PLD5: variants seen among roughly 807,000 people sequenced by gnomAD.
The protein encoded by PLD5 is phospholipase D family member 5, also known as inactive phospholipase D5.
PLD5 carries 36 observed loss-of-function variants against 61.1 expected under a neutral mutation model. That is an observed-to-expected ratio of 0.59 (90% CI 0.45 to 0.78). PLD5 has a LOEUF of 0.78. Among genes scored for constraint, PLD5 ranks in the 30% least tolerant of loss-of-function variants. The pLI is 0.00. For synonymous variants in PLD5, 243 were observed against 242.8 expected (o/e 1.00, Z -0.01); for missense variants, 515 against 644.4 (o/e 0.80, Z 2.17).
intron 2 of PLD5, among the ~76,000 whole-genome samples, chr1:242,319,134 AC>A (rs1658220475): frequency 6.6e-6 from 1 of 152,150 alleles, no homozygotes; most frequent in Non-Finnish European, 1.5e-5. Flanking sequence ...AATATCATGG[AC>A]CAGCAAAATT....
rs1048907985 is a variant in PLD5, at chr1:242,084,298, T to C, written c.*5556A>G. On this transcript the variant is annotated 3_prime_UTR_variant, in exon 10 of 10. Coordinates refer to ENST00000536534, the MANE Select transcript of PLD5 (RefSeq NM_001372062.1). Reference sequence around the variant, plus strand: ...CCTTTGCTAACCTCTCCAATGATAGTTTTTTTTTTAAAAGTATGCCTCTCA... The same window carrying C: ...CCTTTGCTAACCTCTCCAATGATAGCTTTTTTTTTAAAAGTATGCCTCTCA... The C allele has an allele frequency of 4.1e-5, 4 of 97,892 alleles. No individual in the cohort carries two copies. Among genetic ancestry groups the C allele is most frequent in the African/African-American group, 1.3e-4 (4 of 30,970 alleles). 6.1% of individuals were successfully genotyped at this position (97,892 alleles called of 1,614,324 possible).
chr1:242,143,955 C>T (rs1187242202), intron 5 of PLD5, among the ~76,000 whole-genome samples: 3 of 150,116 alleles, frequency 2.0e-5, no homozygotes, highest in African/African-American at 7.3e-5. Context: ...ATTCTCATGC[C>T]TCAGCCTCTC....
chr1:242,404,875 A>ATTTTT (rs11361107), intron 1 of PLD5, among the ~76,000 whole-genome samples: 11 of 75,392 alleles, frequency 1.5e-4, no homozygotes, highest in South Asian at 5.1e-4. Flanking sequence ...TTCCCTGCTA[A>ATTTTT]TTTTTTTTTT....
intron 1 of PLD5, among the ~76,000 whole-genome samples, chr1:242,398,555 TG>T (rs1663735814): frequency 6.6e-6 from 1 of 152,224 alleles, no homozygotes; most frequent in African/African-American, 2.4e-5. Flanking sequence ...CTATTGTTTG[TG>T]CAAACTCTTG....
intron 1 of PLD5, among the ~76,000 whole-genome samples, chr1:242,496,992 T>C (rs549089817): frequency 1.1e-3 from 171 of 152,338 alleles, no homozygotes; most frequent in African/African-American, 3.8e-3. Context: ...GGCTGGACTC[T>C]GTGGAAGAGA....
intron 1 of PLD5, among the ~76,000 whole-genome samples, chr1:242,487,388 T>A (rs2102971176): frequency 6.6e-6 from 1 of 152,254 alleles, no homozygotes. Flanking sequence ...TCACAAAAGT[T>A]AACTCAAAGT....
intron 1 of PLD5, 37 bp downstream of exon 1, chr1:242,524,051 T>G: frequency 6.6e-7 from 1 of 1,519,808 alleles, no homozygotes; most frequent in Non-Finnish European, 8.8e-7. Flanking sequence ...ATGCGGCAGG[T>G]GCCTGGCCGA....
chr1:242,218,640 C>T (rs1435629974), intron 5 of PLD5, among the ~76,000 whole-genome samples: 1 of 152,086 alleles, frequency 6.6e-6, no homozygotes, highest in African/African-American at 2.4e-5. Context: ...AAAAGGGTGA[C>T]AGAGAAAATC....
chr1:242,279,958 A>G (rs573167187), intron 3 of PLD5, among the ~76,000 whole-genome samples: 37 of 152,258 alleles, frequency 2.4e-4, no homozygotes, highest in African/African-American at 8.2e-4. Flanking sequence ...TTTTTGTAAG[A>G]TTACATAGAG....
intron 4 of PLD5, among the ~76,000 whole-genome samples, chr1:242,241,440 T>G (rs190165948): frequency 6.6e-6 from 1 of 152,306 alleles, no homozygotes; most frequent in East Asian, 1.9e-4. Flanking sequence ...TGTTCTTTTC[T>G]TATACCAACT....
intron 1 of PLD5, among the ~76,000 whole-genome samples, 184 bp downstream of exon 1, chr1:242,523,904 G>T (rs1669358318): frequency 6.6e-6 from 1 of 152,126 alleles, no homozygotes; most frequent in Non-Finnish European, 1.5e-5. Context: ...TCCCCTCCCC[G>T]CAGCCCGGTC....
intron 1 of PLD5, among the ~76,000 whole-genome samples, chr1:242,493,474 A>G (rs1018693697): frequency 6.6e-6 from 1 of 152,226 alleles, no homozygotes; most frequent in Non-Finnish European, 1.5e-5. Context: ...TTCATGTTGC[A>G]GAAGAGGAGG....
intron 3 of PLD5, among the ~76,000 whole-genome samples, chr1:242,273,522 C>CA (rs1465275686): frequency 6.6e-6 from 1 of 152,054 alleles, no homozygotes; most frequent in African/African-American, 2.4e-5. Flanking sequence ...CTAATACTTT[C>CA]AAAAAAATCC....
chr1:242,343,466 A>G lies in PLD5; in HGVS notation c.326+4640T>C, dbSNP rs371302387. On this transcript the variant is annotated intron_variant, in intron 2 of 9. Transcript: ENST00000536534. The stretch of plus-strand genomic sequence containing the variant: ...GGAAAGGGATGAAGTCATGAGAGGA[A>G]GGACTGGAATTTTCTAGAGAAACAT... 2.3e-3 allele frequency among the ~76,000 whole-genome samples: 352 copies of G among 152,034 alleles called. 12 individuals carry two copies. In the East Asian group the frequency reaches 0.057, roughly 24 times the overall value.
At chr1:242,487,118 G>A (rs534525550) in intron 1 of PLD5, among the ~76,000 whole-genome samples, 5 of 151,938 alleles carry the variant, frequency 3.3e-5, no homozygotes, top group African/African-American at 4.8e-5. Flanking sequence ...GTTAAATGAC[G>A]AGTTAATGGG....
intron 1 of PLD5, among the ~76,000 whole-genome samples, chr1:242,355,093 G>T (rs1412020024): frequency 6.6e-6 from 1 of 152,032 alleles, no homozygotes. Context: ...CTTTACTTGT[G>T]ATGTCCTTGT....
chr1:242,495,685 A>G (rs1668347704), intron 1 of PLD5, among the ~76,000 whole-genome samples: 1 of 152,208 alleles, frequency 6.6e-6, no homozygotes, highest in South Asian at 2.1e-4. Flanking sequence ...GATCTAGGGA[A>G]CAGAATGTGA....
chr1:242,108,870 G>A (rs1469848165), intron 7 of PLD5, among the ~76,000 whole-genome samples: 1 of 152,158 alleles, frequency 6.6e-6, no homozygotes, highest in African/African-American at 2.4e-5. Context: ...CATGCAGGCT[G>A]CAGATTCATG....
At chr1:242,450,000 G>C (rs1209280681) in intron 1 of PLD5, among the ~76,000 whole-genome samples, 1 of 152,182 alleles carries the variant, frequency 6.6e-6, no homozygotes, top group Non-Finnish European at 1.5e-5. Flanking sequence ...GGCAGTGTAA[G>C]GTGCACAGCT....
Sources: gnomAD v4.1 joint callset for allele counts (sites outside exome capture counted in the v4.1 genomes callset) on GRCh38, gnomAD v4.1.1 for gene constraint, MANE v1.5 for transcripts, NCBI Gene and HGNC (gene_info 2026-07-23, HGNC 2026-07-21) for gene names.